FER1L6: variants seen among roughly 807,000 people sequenced by gnomAD.
The protein encoded by FER1L6 is fer-1 like family member 6.
A neutral mutation model predicts 219.2 loss-of-function variants in FER1L6; 177 were observed. That is an observed-to-expected ratio of 0.81 (90% CI 0.71 to 0.91). The LOEUF is 0.91. Ranked by LOEUF, FER1L6 falls within the 40% of genes least tolerant of loss-of-function variation. The probability of loss-of-function intolerance (pLI) is 0.00; values close to 1 mark genes in which losing one functional copy is unlikely to be tolerated. For synonymous variants in FER1L6, 768 were observed against 824.3 expected, an observed-to-expected ratio of 0.93 and a Z score of 1.17; for missense variants, 2,153 against 2,259.9, an observed-to-expected ratio of 0.95 and a Z score of 0.96.
intron 12 of FER1L6, among the ~76,000 whole-genome samples, chr8:123,987,252 T>C (rs1342939181): frequency 6.6e-6 from 1 of 152,238 alleles, no homozygotes; most frequent in Non-Finnish European, 1.5e-5. Flanking sequence ...GTTTGATTTA[T>C]GTTTCTCTGA....
intron 11 of FER1L6, chr8:123,984,490 C>T (rs1816470455): frequency 6.6e-6 from 1 of 152,220 alleles, no homozygotes; most frequent in Non-Finnish European, 1.5e-5. Context: ...ACGATCTTCC[C>T]ACCACAGCCT....
At chr8:123,999,502 A>T (rs1817308230) in intron 12 of FER1L6, among the ~76,000 whole-genome samples, 1 of 152,090 alleles carries the variant, frequency 6.6e-6, no homozygotes, top group South Asian at 2.1e-4. Context: ...AAAATTAGCC[A>T]GGTGTCAGAA....
At chr8:123,867,880 G>A (rs954252906) in intron 1 of FER1L6, among the ~76,000 whole-genome samples, 2 of 152,236 alleles carry the variant, frequency 1.3e-5, no homozygotes, top group Non-Finnish European at 2.9e-5. Context: ...CCAGCATCCA[G>A]ATCAAGATGC....
chr8:123,980,802 C>A lies in FER1L6; in HGVS notation c.1401C>A (p.Val467=). 1.2e-6 allele frequency: 2 copies of A among 1,612,378 alleles called. No individual in the cohort carries two copies. Among genetic ancestry groups the A allele is most frequent in the Non-Finnish European group, 8.5e-7 (1 of 1,179,062 alleles). The change falls in exon 11 of 41, where the codon GTC becomes GTA. Residue 467 remains valine, a synonymous_variant. Transcript: ENST00000522917. ...STEVEVESFD[V]PPEIVPEKNE... ...AGGTGGAGGTGGAATCGTTCGATGT[C>A]CCCCCGGAGGTAGGTCTAGGCACTG...
chr8:124,112,077 G>A (rs1204909886), intron 39 of FER1L6, among the ~76,000 whole-genome samples: 1 of 152,138 alleles, frequency 6.6e-6, no homozygotes, highest in African/African-American at 2.4e-5. Context: ...CATACCTGGG[G>A]GCACTTCTGT....
chr8:124,041,539 C>T (rs572708149), intron 20 of FER1L6, among the ~76,000 whole-genome samples: 81 of 152,276 alleles, frequency 5.3e-4, no homozygotes, highest in African/African-American at 1.9e-3. Flanking sequence ...AGGAACCAGA[C>T]TCTGCTCCAG....
At chr8:124,048,840 C>T (rs1271178674) in intron 21 of FER1L6, among the ~76,000 whole-genome samples, 1 of 152,218 alleles carries the variant, frequency 6.6e-6, no homozygotes, top group East Asian at 1.9e-4. Context: ...CTGCCTGGCT[C>T]CAAAGCTCGT....
chr8:124,101,028 C>G (rs1362896069), intron 37 of FER1L6, 69 bp from the exon 38 acceptor site: 2 of 1,424,330 alleles, frequency 1.4e-6, no homozygotes, highest in African/African-American at 2.8e-5. Flanking sequence ...TAAGCTAAAT[C>G]ACTTATGATT....
intron 22 of FER1L6, among the ~76,000 whole-genome samples, chr8:124,056,971 G>C (rs1040744616): frequency 6.6e-6 from 1 of 152,166 alleles, no homozygotes; most frequent in African/African-American, 2.4e-5. Context: ...TTGAACCTGG[G>C]AGGCGGAGGT....
At chr8:124,099,662 AAC>A (rs1248885025) in intron 37 of FER1L6, among the ~76,000 whole-genome samples, 2 of 152,132 alleles carry the variant, frequency 1.3e-5, no homozygotes, top group African/African-American at 4.8e-5. Flanking sequence ...AGCTTTTCAA[AAC>A]ACAATCTGAT....
chr8:124,005,257 T>C (rs922448733), intron 13 of FER1L6, among the ~76,000 whole-genome samples: 10 of 152,318 alleles, frequency 6.6e-5, no homozygotes, highest in African/African-American at 1.9e-4. Context: ...TTCACATCAC[T>C]CATTGACTCC....
In FER1L6 at chr8:123,852,471, CGTGTGT is replaced by C. The variant is rs61303449; in HGVS notation, c.-8+323_-8+328del. 0.089 allele frequency among the ~76,000 whole-genome samples: 12,405 copies of C among 139,922 alleles called. 548 individuals are homozygous for C. The highest frequency in any genetic ancestry group is 0.14 in the Middle Eastern group (40 of 278). The allele number at this position is 139,922 out of a possible 152,430, so 91.8% of individuals were successfully genotyped here. ...GCTTGAACTCCATGTTGTGAGCATGCGTGTGTGTGTGTGTGTGTGTGTGTGTGTGTG... is the reference window on the plus strand; with the variant it reads ...GCTTGAACTCCATGTTGTGAGCATGCGTGTGTGTGTGTGTGTGTGTGTGTG... On this transcript the variant is annotated intron_variant, in intron 1 of 40. Coordinates refer to ENST00000522917, the MANE Select transcript of FER1L6 (RefSeq NM_001039112.2). The surrounding 1 kb of genome is among the most constrained non-coding windows in gnomAD (Gnocchi z 4.9).
chr8:123,906,211 T>G (rs981597979), intron 1 of FER1L6, among the ~76,000 whole-genome samples: 2 of 152,168 alleles, frequency 1.3e-5, no homozygotes, highest in African/African-American at 4.8e-5. Flanking sequence ...TTCAAAGCCT[T>G]GGTTGAATCT....
chr8:124,068,933 TTTC>T (rs1280721225), intron 28 of FER1L6, among the ~76,000 whole-genome samples: 22 of 150,906 alleles, frequency 1.5e-4, no homozygotes, highest in Admixed American at 1.4e-3. Context: ...CAAGTTACTA[TTTC>T]TTTTTTTTTT....
chr8:123,977,614 A>C lies in FER1L6; in HGVS notation c.1063+5A>C. ...ACGAACAGGATGGAGACAAAGGTAA[A>C]GTCCCATCCATCTGACTTGAAAAAT... On this transcript the variant is annotated splice_donor_5th_base_variant and intron_variant, in intron 10 of 40. Transcript: ENST00000522917. The C allele has an allele frequency of 6.2e-7, 1 of 1,613,168 alleles. No individual in the cohort carries two copies. Among genetic ancestry groups the C allele is most frequent in the Non-Finnish European group, 8.5e-7 (1 of 1,179,298 alleles).
chr8:123,916,945 G>C (rs1364809048), intron 1 of FER1L6, among the ~76,000 whole-genome samples: 1 of 152,184 alleles, frequency 6.6e-6, no homozygotes, highest in African/African-American at 2.4e-5. Flanking sequence ...TACCAAGTGT[G>C]TCTGTCAGTG....
chr8:124,111,175 C>T lies in FER1L6; in HGVS notation c.5290-7669C>T, dbSNP rs1823008842. ...ACTTACAACTTTTCTAAAGTAAATGCTCTAAGAGAAAAGAAAAGGGGGAAG... is the reference window on the plus strand; with the variant it reads ...ACTTACAACTTTTCTAAAGTAAATGTTCTAAGAGAAAAGAAAAGGGGGAAG... On this transcript the variant is annotated intron_variant, in intron 39 of 40. Coordinates refer to ENST00000522917, the MANE Select transcript of FER1L6 (RefSeq NM_001039112.2). The surrounding 1 kb of genome is among the most constrained non-coding windows in gnomAD (Gnocchi z 5.0). 6.6e-6 allele frequency among the ~76,000 whole-genome samples: 1 copy of T among 152,196 alleles called. No homozygotes were observed.
intron 39 of FER1L6, among the ~76,000 whole-genome samples, chr8:124,106,513 C>G (rs1822782909): frequency 6.6e-6 from 1 of 152,044 alleles, no homozygotes; most frequent in Non-Finnish European, 1.5e-5. Flanking sequence ...AGTTTCATCT[C>G]TCACTGCTCC....
chr8:123,999,972 T>C (rs530865547), intron 12 of FER1L6, among the ~76,000 whole-genome samples: 1 of 152,278 alleles, frequency 6.6e-6, no homozygotes, highest in African/African-American at 2.4e-5. Context: ...GAAATTGCAG[T>C]CCTTGTGGCC....
Sources: allele counts gnomAD v4.1 joint callset (sites outside exome capture counted in the v4.1 genomes callset), GRCh38; gene constraint gnomAD v4.1.1; non-coding constraint Gnocchi (gnomAD v3.1); transcripts MANE v1.5; gene names NCBI Gene and HGNC (gene_info 2026-07-23, HGNC 2026-07-21).